ITCH: variants seen among roughly 807,000 people sequenced by gnomAD.
ITCH encodes E3 ubiquitin-protein ligase Itchy homolog.
A neutral mutation model predicts 126.8 loss-of-function variants in ITCH; 28 were observed. The ratio of observed to expected loss-of-function variants is 0.22; its 90% CI spans 0.16 to 0.30. The LOEUF (loss-of-function observed/expected upper bound fraction) is 0.30. ITCH is among the 10% of genes least tolerant of loss of function. The pLI, the probability that ITCH is intolerant of heterozygous loss-of-function variation, is 1.00. For missense variants in ITCH, 631 were observed against 1,032.4 expected, an observed-to-expected ratio of 0.61 and a Z score of 5.33; for synonymous variants, 342 against 340.0, an observed-to-expected ratio of 1.01 and a Z score of -0.06.
intron 4 of ITCH, among the ~76,000 whole-genome samples, chr20:34,409,303 C>T (rs1207095676): frequency 2.0e-5 from 3 of 152,060 alleles, no homozygotes; most frequent in African/African-American, 4.8e-5. Flanking sequence ...AGAGATCCTC[C>T]TGCCTCAGCC....
intron 7 of ITCH, among the ~76,000 whole-genome samples, chr20:34,435,477 CT>C (rs1263679651): frequency 6.6e-6 from 1 of 152,004 alleles, no homozygotes; most frequent in African/African-American, 2.4e-5. Flanking sequence ...CCGATTTCTT[CT>C]TTTTAATAAG....
intron 7 of ITCH, among the ~76,000 whole-genome samples, chr20:34,426,751 G>A (rs1014819118): frequency 1.3e-5 from 2 of 148,588 alleles, no homozygotes; most frequent in Non-Finnish European, 3.0e-5. Flanking sequence ...ATGCCTGGCC[G>A]ATAGATATAT....
chr20:34,480,824 G>A, intron 19 of ITCH, 92 bp downstream of exon 19: 2 of 1,113,412 alleles, frequency 1.8e-6, no homozygotes, highest in Admixed American at 2.4e-5. Context: ...GCACATAATT[G>A]GTTTATTGTA....
chr20:34,366,109 G>A (rs1048319868), intron 1 of ITCH, among the ~76,000 whole-genome samples: 4 of 152,170 alleles, frequency 2.6e-5, no homozygotes, highest in African/African-American at 4.8e-5. Flanking sequence ...AGGGTAGGCT[G>A]AGTGAATGCC....
chr20:34,497,146 A>C (rs143903409), intron 23 of ITCH, among the ~76,000 whole-genome samples: 20 of 151,900 alleles, frequency 1.3e-4, no homozygotes, highest in African/African-American at 4.1e-4. Flanking sequence ...GCAGGCACGC[A>C]CCACCACACC....
intron 2 of ITCH, among the ~76,000 whole-genome samples, chr20:34,384,699 C>T (rs1386717933): frequency 8.0e-5 from 11 of 136,956 alleles, no homozygotes; most frequent in African/African-American, 1.7e-4. Flanking sequence ...CTCGCTCTGT[C>T]GCCCAGGCTG....
rs746921554 is a variant in ITCH, at chr20:34,510,025, GA to G, written c.*2233del. 1 of 152,530 alleles carries G rather than the reference GA, an allele frequency of 6.6e-6. No homozygotes were observed. Among genetic ancestry groups the G allele is most frequent in the Non-Finnish European group, 1.5e-5 (1 of 68,026 alleles). The allele number at this position is 152,530 out of a possible 1,614,324, so 9.4% of individuals were successfully genotyped here. On this transcript the variant is annotated 3_prime_UTR_variant, in exon 25 of 25. Transcript: ENST00000374864. ...TTCTGCCCTATATTTTTAAAATACA[GA>G]ATAGTTATATTTGAAGTAGCCCTGG...
At position 34,479,826 on chromosome 20, in the gene ITCH, T is replaced by G. The variant is rs202090189; in HGVS notation, c.1818+37T>G. 3 of 1,585,918 alleles carry G rather than the reference T, an allele frequency of 1.9e-6. No individual in the cohort carries two copies. In the South Asian group the frequency reaches 3.3e-5, roughly 18 times the overall value. ...TCAAGAATTATGTTTACTTTGCTTA[T>G]TCAGCAATACTAAATTTTCTCTTAG... On this transcript the variant is annotated intron_variant, in intron 18 of 24. Transcript: ENST00000374864.
At chr20:34,458,447 A>G (rs1472484614) in intron 13 of ITCH, among the ~76,000 whole-genome samples, 1 of 152,178 alleles carries the variant, frequency 6.6e-6, no homozygotes, top group African/African-American at 2.4e-5. Context: ...GATTACAGAA[A>G]TAATGTTTTG....
chr20:34,396,615 C>T (rs892654284), intron 3 of ITCH, among the ~76,000 whole-genome samples: 3 of 150,742 alleles, frequency 2.0e-5, no homozygotes, highest in Non-Finnish European at 3.0e-5. Flanking sequence ...CTGAAGTGAT[C>T]GTGCCACCTC....
In ITCH at chr20:34,419,371, T is replaced by A. The variant is rs1980424943; in HGVS notation, c.476-5109T>A. On this transcript the variant is annotated intron_variant, in intron 6 of 24. Coordinates refer to ENST00000374864, the MANE Select transcript of ITCH (RefSeq NM_031483.7). ...TTTCCTTTCCTTTCGAGATAATCAC[T>A]ATTCTGAACTTTGAATTTGTCATTT... Among the ~76,000 whole-genome samples the A allele has an allele frequency of 2.6e-5, 4 of 152,250 alleles. No homozygotes were observed. In the South Asian group the frequency reaches 8.3e-4, roughly 31 times the overall value.
chr20:34,444,371 G>A (rs550828600), intron 10 of ITCH, among the ~76,000 whole-genome samples: 30 of 152,288 alleles, frequency 2.0e-4, no homozygotes, highest in African/African-American at 7.0e-4. Flanking sequence ...ATCACCTGAG[G>A]TCGGGAGTTC....
At chr20:34,379,176 T>C (rs542987486) in intron 2 of ITCH, among the ~76,000 whole-genome samples, 2 of 152,280 alleles carry the variant, frequency 1.3e-5, no homozygotes, top group African/African-American at 4.8e-5. Flanking sequence ...TATTCCTTTA[T>C]TTCATTTTTT....
intron 11 of ITCH, among the ~76,000 whole-genome samples, chr20:34,447,149 G>A (rs907476896): frequency 1.3e-5 from 2 of 150,236 alleles, no homozygotes; most frequent in African/African-American, 2.5e-5. Flanking sequence ...AATCCTGACC[G>A]ATTTAGTACT....
chr20:34,394,165 T>C (rs1008469843), intron 3 of ITCH, among the ~76,000 whole-genome samples: 1 of 148,220 alleles, frequency 6.7e-6, no homozygotes, highest in Non-Finnish European at 1.5e-5. Context: ...TGAGCTGAGT[T>C]TGCGCCACTG....
At chr20:34,472,825 C>T (rs1362761370) in intron 16 of ITCH, among the ~76,000 whole-genome samples, 1 of 152,136 alleles carries the variant, frequency 6.6e-6, no homozygotes, top group Non-Finnish European at 1.5e-5. Context: ...TGAGTCATCC[C>T]CTTGATCTGA....
chr20:34,417,114 TA>T, intron 6 of ITCH: 3 of 654,316 alleles, frequency 4.6e-6, no homozygotes, highest in Non-Finnish European at 5.6e-6. Context: ...TTTTTTTTTT[TA>T]GATGGGGTTT....
At chr20:34,506,587 C>T (rs970315377) in intron 24 of ITCH, among the ~76,000 whole-genome samples, 1 of 152,130 alleles carries the variant, frequency 6.6e-6, no homozygotes, top group African/African-American at 2.4e-5. Flanking sequence ...ATTGTGCATT[C>T]CTTACGAGAA....
intron 7 of ITCH, among the ~76,000 whole-genome samples, chr20:34,427,701 T>G (rs964800275): frequency 1.3e-5 from 2 of 152,332 alleles, no homozygotes; most frequent in Non-Finnish European, 2.9e-5. Flanking sequence ...TTTTTTAGTA[T>G]TATTATATTT....
Sources: allele counts gnomAD v4.1 joint callset (sites outside exome capture counted in the v4.1 genomes callset), GRCh38; gene constraint gnomAD v4.1.1; transcripts MANE v1.5; gene names NCBI Gene and HGNC (gene_info 2026-07-23, HGNC 2026-07-21).